Variants in FUCA2 observed in about 807,000 individuals in gnomAD.
FUCA2 encodes alpha-L-fucosidase 2.
In FUCA2, 41 loss-of-function variants were observed where a neutral mutation model predicts 52.6. The ratio of observed to expected loss-of-function variants is 0.78; its 90% CI spans 0.61 to 1.01. The LOEUF is 1.01. Among genes scored for constraint, FUCA2 ranks in the 50% least tolerant of loss-of-function variants. The probability of loss-of-function intolerance (pLI) is 0.00; values close to 1 mark genes in which losing one functional copy is unlikely to be tolerated. For missense variants in FUCA2, 507 were observed against 569.5 expected (o/e 0.89, Z 1.12); for synonymous variants, 211 against 217.3 (o/e 0.97, Z 0.26).
rs879839591 is a variant in FUCA2, at chr6:143,511,306, G to C, written c.224+105C>G. On this transcript the variant is annotated intron_variant, in intron 1 of 6. Transcript: ENST00000002165. This position sits in a 1 kb window ranked among gnomAD's most constrained non-coding sequence, Gnocchi z 6.3. ...ACGCAGTGGGAGGTGAAACCGACGA[G>C]GGTGCAGGCAGCACCAGGCGGCGAA... is the stretch of plus-strand genomic sequence containing the variant. The C allele has an allele frequency of 2.1e-5, 21 of 1,017,308 alleles. No individual in the cohort carries two copies. The highest frequency in any genetic ancestry group is 3.3e-5 in the African/African-American group (2 of 60,090). The allele number at this position is 1,017,308 out of a possible 1,614,324, so 63.0% of individuals were successfully genotyped here.
rs569769321 is a variant in FUCA2 at position 143,495,971 on chromosome 6, T to C, written c.1264-124A>G. On this transcript the variant is annotated intron_variant, in intron 6 of 6. Transcript: ENST00000002165. This position sits in a 1 kb window ranked among gnomAD's most constrained non-coding sequence, Gnocchi z 5.2. ...TAGACAAGAGGTTCATTTTTACCTT[T>C]ATTTAGTGATTCACAATCACTCTTC... 3.8e-5 allele frequency: 34 copies of C among 885,874 alleles called. No individual in the cohort carries two copies. In the African/African-American group the frequency reaches 5.2e-4, roughly 14 times the overall value. 54.9% of individuals were successfully genotyped at this position (885,874 alleles called of 1,614,324 possible).
chr6:143,495,676 T>A lies in FUCA2; in HGVS notation c.*31A>T, dbSNP rs761751116. 1 of 1,599,730 alleles carries A rather than the reference T, an allele frequency of 6.3e-7. No homozygotes were observed. The highest frequency in any genetic ancestry group is 2.2e-5 in the East Asian group (1 of 44,626). ...ACCTGATAGTTCCTAGCCTTAGACA[T>A]AACTTGCAGCATCAGCCACTCTGCT... On this transcript the variant is annotated 3_prime_UTR_variant, in exon 7 of 7. Coordinates refer to ENST00000002165, the MANE Select transcript of FUCA2 (RefSeq NM_032020.5). The surrounding 1 kb of genome is among the most constrained non-coding windows in gnomAD (Gnocchi z 5.2).
At position 143,495,919 on chromosome 6, in the gene FUCA2, G is replaced by T; in HGVS notation, c.1264-72C>A. 2 of 1,523,710 alleles carry T rather than the reference G, an allele frequency of 1.3e-6. No individual in the cohort carries two copies. The allele number at this position is 1,523,710 out of a possible 1,614,324, so 94.4% of individuals were successfully genotyped here. ...ATCTCACCCACTTTCTATTGGGAAG[G>T]AGTGATTAGTAGTTCAAACAAAATT... On this transcript the variant is annotated intron_variant, in intron 6 of 6. Transcript: ENST00000002165. The surrounding 1 kb of genome is among the most constrained non-coding windows in gnomAD (Gnocchi z 5.2).
In FUCA2 at chr6:143,504,095, G is replaced by T. The variant is rs1255160286; in HGVS notation, c.570C>A (p.Leu190=). 2 of 1,614,164 alleles carry T rather than the reference G, an allele frequency of 1.2e-6. No homozygotes were observed. The highest frequency in any genetic ancestry group is 1.7e-6 in the Non-Finnish European group (2 of 1,180,024). ...YYSLFEWFHP[L]FLEDESSSFH... Reference sequence around the variant, plus strand: ...ATGAACTGGATTCATCCTCAAGGAAGAGCGGATGAAACCATTCAAAAAGGG... The same window carrying T: ...ATGAACTGGATTCATCCTCAAGGAATAGCGGATGAAACCATTCAAAAAGGG... The change falls in exon 3 of 7, where the codon CTC becomes CTA. Residue 190 remains leucine, a synonymous_variant. Transcript: ENST00000002165. This position sits in a 1 kb window ranked among gnomAD's most constrained non-coding sequence, Gnocchi z 4.4.
At position 143,507,137 on chromosome 6, in the gene FUCA2, C is replaced by T. The variant is rs1241326624; in HGVS notation, c.412+100G>A. 7 of 1,143,654 alleles carry T rather than the reference C, an allele frequency of 6.1e-6. No individual in the cohort carries two copies. Among genetic ancestry groups the T allele is most frequent in the Non-Finnish European group, 8.6e-6 (7 of 811,264 alleles). The allele number at this position is 1,143,654 out of a possible 1,614,324, so 70.8% of individuals were successfully genotyped here. On this transcript the variant is annotated intron_variant, in intron 2 of 6. Coordinates refer to ENST00000002165, the MANE Select transcript of FUCA2 (RefSeq NM_032020.5). The surrounding 1 kb of genome is among the most constrained non-coding windows in gnomAD (Gnocchi z 4.5). ...TGCCAGTCACCACTTATGGTTGCTCCGAAGAGAAAATTAGACCTTGCTTTA... is the reference window on the plus strand; with the variant it reads ...TGCCAGTCACCACTTATGGTTGCTCTGAAGAGAAAATTAGACCTTGCTTTA...
rs1341372392 is a variant in FUCA2, at chr6:143,495,742, A to G, written c.1369T>C (p.Trp457Arg). Residue 457 changes from tryptophan (W) to arginine (R), a missense_variant, in exon 7 of 7, where the codon TGG (tryptophan) becomes CGG (arginine). By Grantham distance (101) the Trp-to-Arg change is moderately radical. Transcript: ENST00000002165. This position sits in a 1 kb window ranked among gnomAD's most constrained non-coding sequence, Gnocchi z 5.2. ...TTAGTCAGGGCTAGAGCCCAGCCCCATTTACACGGCATCTGATGAATGGTT... is the reference window on the plus strand; with the variant it reads ...TTAGTCAGGGCTAGAGCCCAGCCCCGTTTACACGGCATCTGATGAATGGTT... ...QLTIHQMPCK[W>R]GWALALTNVI The G allele has an allele frequency of 6.2e-7, 1 of 1,614,066 alleles. No homozygotes were observed. The highest frequency in any genetic ancestry group is 1.7e-5 in the Admixed American group (1 of 60,004).
At position 143,507,430 on chromosome 6, in the gene FUCA2, G is replaced by T. The variant is rs1283009432; in HGVS notation, c.225-6C>A. The T allele has an allele frequency of 6.3e-7, 1 of 1,578,800 alleles. No individual in the cohort carries two copies. Among genetic ancestry groups the T allele is most frequent in the South Asian group, 1.2e-5 (1 of 85,016 alleles). On this transcript the variant is annotated splice_region_variant and splice_polypyrimidine_tract_variant and intron_variant, in intron 1 of 6. Transcript: ENST00000002165. This position sits in a 1 kb window ranked among gnomAD's most constrained non-coding sequence, Gnocchi z 4.5. ...TTTCCTTTTGCCAATACCACCTAAGGGGAGGAAAGGAAAGAGTGCATAAAC... is the reference window on the plus strand; with the variant it reads ...TTTCCTTTTGCCAATACCACCTAAGTGGAGGAAAGGAAAGAGTGCATAAAC...
In FUCA2 at chr6:143,504,011, G is replaced by A. The variant is rs1177757282; in HGVS notation, c.654C>T (p.Asn218=). ...KTLPELYELV[N]NYQPEVLWSD... is the part of the protein sequence containing the mutation. ...ACCACAGAACCTCAGGCTGATAGTTGTTCACTAACTCATAGAGCTCTGGCA... is the reference window on the plus strand; with the variant it reads ...ACCACAGAACCTCAGGCTGATAGTTATTCACTAACTCATAGAGCTCTGGCA... The change falls in exon 3 of 7, where the codon AAC becomes AAT. Residue 218 remains asparagine (N), a synonymous_variant. Coordinates refer to ENST00000002165, the MANE Select transcript of FUCA2 (RefSeq NM_032020.5). The surrounding 1 kb of genome is among the most constrained non-coding windows in gnomAD (Gnocchi z 4.4). The A allele has an allele frequency of 6.2e-7, 1 of 1,614,124 alleles. No homozygotes were observed. Among genetic ancestry groups the A allele is most frequent in the Admixed American group, 1.7e-5 (1 of 60,006 alleles).
Position 143,503,974 on chromosome 6 carries a change from C to G in FUCA2, c.691G>C (p.Gly231Arg). The change falls in exon 3 of 7, where the codon GGA (glycine) becomes CGA (arginine). Residue 231 changes from glycine (G) to arginine (R), a missense_variant. Gly to Arg is a moderately radical substitution (Grantham distance 125). Coordinates refer to ENST00000002165, the MANE Select transcript of FUCA2 (RefSeq NM_032020.5). The surrounding 1 kb of genome is among the most constrained non-coding windows in gnomAD (Gnocchi z 4.8). Reference sequence around the variant, plus strand: ...TTCCAGTATTGATCCGGTGCTCCTCCGTCACCATCCGACCACAGAACCTCA... The same window carrying G: ...TTCCAGTATTGATCCGGTGCTCCTCGGTCACCATCCGACCACAGAACCTCA... ...QPEVLWSDGDGGAPDQYWNST... is the reference protein window; with the variant it reads ...QPEVLWSDGDRGAPDQYWNST... 2 of 1,614,176 alleles carry G rather than the reference C, an allele frequency of 1.2e-6. No individual in the cohort carries two copies. The highest frequency in any genetic ancestry group is 1.3e-5 in the African/African-American group (1 of 75,034).
rs1250645171 is a variant in FUCA2 at position 143,495,855 on chromosome 6, T to TA, written c.1264-9dup. ...ATGGCCCAGTAGTTTCACCTGAAAT[T>TA]AAAAACATACATGCAAATGTCTCCA... On this transcript the variant is annotated splice_polypyrimidine_tract_variant and intron_variant, in intron 6 of 6. Transcript: ENST00000002165. This position sits in a 1 kb window ranked among gnomAD's most constrained non-coding sequence, Gnocchi z 5.2. 5.0e-6 allele frequency: 8 copies of TA among 1,613,196 alleles called. No individual in the cohort carries two copies. In the East Asian group the frequency reaches 1.1e-4, roughly 22 times the overall value.
chr6:143,504,912 G>A lies in FUCA2; in HGVS notation c.413-660C>T, dbSNP rs890888576. On this transcript the variant is annotated intron_variant, in intron 2 of 6. Coordinates refer to ENST00000002165, the MANE Select transcript of FUCA2 (RefSeq NM_032020.5). The surrounding 1 kb of genome is among the most constrained non-coding windows in gnomAD (Gnocchi z 4.4). The stretch of plus-strand genomic sequence containing the variant: ...CTATACTTTAAAATATACTCACCAC[G>A]TGTAATCTCATCCTACTATAAAATC... The A allele has an allele frequency of 5.3e-5, 8 of 151,922 alleles. No individual in the cohort carries two copies. The highest frequency in any genetic ancestry group is 7.3e-5 in the African/African-American group (3 of 41,354). 9.4% of individuals were successfully genotyped at this position (151,922 alleles called of 1,614,324 possible).
rs1395710845 is a variant in FUCA2 at position 143,510,347 on chromosome 6, G to A, written c.224+1064C>T. 1.3e-5 allele frequency among the ~76,000 whole-genome samples: 2 copies of A among 152,052 alleles called. No individual in the cohort carries two copies. The highest frequency in any genetic ancestry group is 2.1e-4 in the South Asian group (1 of 4,814). ...CAAATAAATACTGTTTAATGATTCCGTTCTTTTACTTAAGAATATATTATG... is the reference window on the plus strand; with the variant it reads ...CAAATAAATACTGTTTAATGATTCCATTCTTTTACTTAAGAATATATTATG... On this transcript the variant is annotated intron_variant, in intron 1 of 6. Coordinates refer to ENST00000002165, the MANE Select transcript of FUCA2 (RefSeq NM_032020.5). The surrounding 1 kb of genome is among the most constrained non-coding windows in gnomAD (Gnocchi z 4.4).
Position 143,507,119 on chromosome 6 carries a change from C to G in FUCA2, c.412+118G>C, listed in dbSNP as rs1344979729. The G allele has an allele frequency of 2.3e-6, 2 of 873,172 alleles. No homozygotes were observed. The highest frequency in any genetic ancestry group is 3.5e-5 in the African/African-American group (2 of 57,312). 54.1% of individuals were successfully genotyped at this position (873,172 alleles called of 1,614,324 possible). On this transcript the variant is annotated intron_variant, in intron 2 of 6. Coordinates refer to ENST00000002165, the MANE Select transcript of FUCA2 (RefSeq NM_032020.5). This position sits in a 1 kb window ranked among gnomAD's most constrained non-coding sequence, Gnocchi z 4.5. Reference sequence around the variant, plus strand: ...CCCTAAGTCATAAGCAAGTGCCAGTCACCACTTATGGTTGCTCCGAAGAGA... The same window carrying G: ...CCCTAAGTCATAAGCAAGTGCCAGTGACCACTTATGGTTGCTCCGAAGAGA...
Position 143,500,096 on chromosome 6 carries a change from G to A in FUCA2, c.1154+1836C>T, listed in dbSNP as rs1027829246. On this transcript the variant is annotated intron_variant, in intron 5 of 6. Transcript: ENST00000002165. The surrounding 1 kb of genome is among the most constrained non-coding windows in gnomAD (Gnocchi z 6.9). ...TCCATAGTTAACAGTTAGCTGTCCA[G>A]AAGCAGGCATGGAATAAGTAGATCT... 3.3e-5 allele frequency among the ~76,000 whole-genome samples: 5 copies of A among 151,976 alleles called. No individual in the cohort carries two copies. The highest frequency in any genetic ancestry group is 5.9e-5 in the Non-Finnish European group (4 of 67,986).
chr6:143,498,310 G>T (rs1281390945), intron 5 of FUCA2, among the ~76,000 whole-genome samples: 2 of 152,218 alleles, frequency 1.3e-5, no homozygotes, highest in Admixed American at 6.5e-5. Context: ...TTACATTCTA[G>T]TGGAAGAAAT....
chr6:143,502,034 T>A lies in FUCA2; in HGVS notation c.1052A>T (p.Glu351Val). 1 of 1,613,772 alleles carries A rather than the reference T, an allele frequency of 6.2e-7. No homozygotes were observed. Among genetic ancestry groups the A allele is most frequent in the South Asian group, 1.1e-5 (1 of 91,056 alleles). Residue 351 changes from glutamate (E) to valine (V), a missense_variant, in exon 5 of 7, where the codon GAG becomes GTG. Physicochemically the swap from Glu to Val is moderately radical, Grantham distance 121. Coordinates refer to ENST00000002165, the MANE Select transcript of FUCA2 (RefSeq NM_032020.5). The surrounding 1 kb of genome is among the most constrained non-coding windows in gnomAD (Gnocchi z 4.1). ...LDGTISVVFEERLRQMGSWLK... is the reference protein window; with the variant it reads ...LDGTISVVFEVRLRQMGSWLK... ...CCAGGACCCCATTTGCCTCAGTCGC[T>A]CCTCAAAAACTACAGAAATGGTGCC...
Position 143,503,876 on chromosome 6 carries a change from A to G in FUCA2, c.752+37T>C, listed in dbSNP as rs1341098143. On this transcript the variant is annotated intron_variant, in intron 3 of 6. Transcript: ENST00000002165. This position sits in a 1 kb window ranked among gnomAD's most constrained non-coding sequence, Gnocchi z 4.8. ...AAAATGTTAGAAATATATTAGGAAT[A>G]TGGAGGGTAACTGCAGCAATCTCAT... is the stretch of plus-strand genomic sequence containing the variant. 6.9e-7 allele frequency: 1 copy of G among 1,447,460 alleles called. No homozygotes were observed. The highest frequency in any genetic ancestry group is 9.5e-7 in the Non-Finnish European group (1 of 1,051,086). The allele number at this position is 1,447,460 out of a possible 1,614,324, so 89.7% of individuals were successfully genotyped here.
chr6:143,511,559 ACGG>A lies in FUCA2; in HGVS notation c.73_75del (p.Pro25del), dbSNP rs764488266. 8 of 1,570,822 alleles carry A rather than the reference ACGG, an allele frequency of 5.1e-6. No individual in the cohort carries two copies. Among genetic ancestry groups the A allele is most frequent in the South Asian group, 3.5e-5 (3 of 86,292 alleles). On this transcript the variant is annotated inframe_deletion, in exon 1 of 7. Transcript: ENST00000002165. This position sits in a 1 kb window ranked among gnomAD's most constrained non-coding sequence, Gnocchi z 6.3. ...AAGCGCGTGGCGCTGTGGGCAGGGCACGGCGGCGGCGGCAGCAGCAGCAACAGC... is the reference window on the plus strand; with the variant it reads ...AAGCGCGTGGCGCTGTGGGCAGGGCACGGCGGCGGCAGCAGCAGCAACAGC...
chr6:143,495,720 G>A lies in FUCA2; in HGVS notation c.1391C>T (p.Thr464Ile), dbSNP rs1399175438. ...PCKWGWALAL[T>I]NVI is the part of the protein sequence containing the mutation. The stretch of plus-strand genomic sequence containing the variant: ...CTCTGCTGCACTTTAGATCACATTA[G>A]TCAGGGCTAGAGCCCAGCCCCATTT... Residue 464 changes from threonine to isoleucine, a missense_variant, in exon 7 of 7, where the codon ACT (threonine) becomes ATT (isoleucine). Transcript: ENST00000002165. The surrounding 1 kb of genome is among the most constrained non-coding windows in gnomAD (Gnocchi z 5.2). The A allele has an allele frequency of 2.5e-6, 4 of 1,613,860 alleles. No individual in the cohort carries two copies. The highest frequency in any genetic ancestry group is 3.3e-5 in the Admixed American group (2 of 60,002).
Sources: allele counts gnomAD v4.1 joint callset (sites outside exome capture counted in the v4.1 genomes callset), GRCh38; gene constraint gnomAD v4.1.1; non-coding constraint Gnocchi (gnomAD v3.1); transcripts MANE v1.5; gene names NCBI Gene and HGNC (gene_info 2026-07-23, HGNC 2026-07-21).